The following TNFRSF6B variants were observed in gnomAD, a reference collection of about 807,000 sequenced individuals.
TNFRSF6B encodes the protein tumor necrosis factor receptor superfamily member 6B.
Under a neutral mutation model 17.9 loss-of-function variants are expected in TNFRSF6B, and 23 were observed. The observed-to-expected ratio is 1.28, with a 90% CI of 0.92 to 1.82. The LOEUF (loss-of-function observed/expected upper bound fraction) is 1.82. Ranked by LOEUF, TNFRSF6B falls within the 40% of genes most tolerant of loss-of-function variation. TNFRSF6B has a pLI of 0.00. For missense variants in TNFRSF6B, 555 were observed against 437.2 expected (o/e 1.27, Z -2.40); for synonymous variants, 291 against 195.8 (o/e 1.49, Z -4.06).
chr20:63,696,783 G>A lies in TNFRSF6B; in HGVS notation c.16G>A (p.Gly6Arg), dbSNP rs144447293. The A allele has an allele frequency of 2.4e-4, 378 of 1,595,578 alleles. No homozygotes were observed. The African/African-American group carries it at 4.6e-3, about 20-fold the overall frequency. ...AGCAAGGACCATGAGGGCGCTGGAG[G>A]GGCCAGGCCTGTCGCTGCTGTGCCT... MRALE[G>R]PGLSLLCLVL... The change falls in exon 1 of 3, where the codon GGG becomes AGG. Residue 6 changes from glycine to arginine, a missense_variant. Gly to Arg is a moderately radical substitution (Grantham distance 125). Coordinates refer to ENST00000369996, the MANE Select transcript of TNFRSF6B (RefSeq NM_003823.4).
intron 1 of TNFRSF6B, 23 bp from the exon 2 acceptor site, chr20:63,697,305 C>T: frequency 6.2e-7 from 1 of 1,603,822 alleles, no homozygotes; most frequent in Non-Finnish European, 8.5e-7. Context: ...TCCCCTGACC[C>T]TGTTCTTCCC....
At position 63,698,389 on chromosome 20, in the gene TNFRSF6B, T is replaced by C; in HGVS notation, c.729T>C (p.Gly243=). 1 of 1,603,616 alleles carries C rather than the reference T, an allele frequency of 6.2e-7. No individual in the cohort carries two copies. The highest frequency in any genetic ancestry group is 1.4e-5 in the African/African-American group (1 of 74,018). Residue 243 remains glycine, a synonymous_variant, in exon 3 of 3, where the codon GGT becomes GGC. Coordinates refer to ENST00000369996, the MANE Select transcript of TNFRSF6B (RefSeq NM_003823.4). Reference sequence around the variant, plus strand: ...CCCTCGAGGCCCCGGAGGGCTGGGGTCCGACACCAAGGGCGGGCCGCGCGG... The same window carrying C: ...CCCTCGAGGCCCCGGAGGGCTGGGGCCCGACACCAAGGGCGGGCCGCGCGG... ...LQALEAPEGW[G]PTPRAGRAAL...
At position 63,698,545 on chromosome 20, in the gene TNFRSF6B, C is replaced by A; in HGVS notation, c.885C>A (p.Arg295=). ...MPGLERSVRE[R]FLPVH is the part of the protein sequence containing the mutation. ...GGCTGGAGCGGAGCGTCCGTGAGCG[C>A]TTCCTCCCTGTGCACTGATCCTGGC... Residue 295 remains arginine (R), a synonymous_variant, in exon 3 of 3, where the codon CGC becomes CGA. Transcript: ENST00000369996. The A allele has an allele frequency of 6.5e-7, 1 of 1,536,700 alleles. No homozygotes were observed. Among genetic ancestry groups the A allele is most frequent in the African/African-American group, 1.5e-5 (1 of 68,912 alleles).
Position 63,696,669 on chromosome 20 carries a change from C to T in TNFRSF6B, c.-99C>T. The T allele has an allele frequency of 7.3e-7, 1 of 1,360,750 alleles. No individual in the cohort carries two copies. The highest frequency in any genetic ancestry group is 2.8e-5 in the Admixed American group (1 of 35,232). The allele number at this position is 1,360,750 out of a possible 1,614,324, so 84.3% of individuals were successfully genotyped here. A position where few individuals can be genotyped will look rare whatever the true frequency, so the allele number is the denominator to read the frequency against. On this transcript the variant is annotated 5_prime_UTR_variant, in exon 1 of 3. Transcript: ENST00000369996. ...GGGCTTCTGGACTTGGGCGGCCCCT[C>T]CGCAGGCGGACCGGGGGCAAAGGAG... is the stretch of plus-strand genomic sequence containing the variant.
rs1276200935 is a variant in TNFRSF6B at position 63,698,680 on chromosome 20, T to C, written c.*117T>C. ...AGCTTATTTTTATAAAGCTTTTTCA[T>C]AAAACTGGTTGTAGTTGCACAGCTA... On this transcript the variant is annotated 3_prime_UTR_variant, in exon 3 of 3. Coordinates refer to ENST00000369996, the MANE Select transcript of TNFRSF6B (RefSeq NM_003823.4). 5 of 1,255,070 alleles carry C rather than the reference T, an allele frequency of 4.0e-6. No individual in the cohort carries two copies. Among genetic ancestry groups the C allele is most frequent in the Non-Finnish European group, 4.2e-6 (4 of 962,928 alleles). The allele number at this position is 1,255,070 out of a possible 1,614,324, so 77.7% of individuals were successfully genotyped here.
Position 63,697,346 on chromosome 20 carries a change from C to A in TNFRSF6B, c.443C>A (p.Thr148Lys). Residue 148 changes from threonine (T) to lysine (K), a missense_variant, in exon 2 of 3, where the codon ACG (threonine) becomes AAG (lysine). Physicochemically the swap from Thr to Lys is moderately conservative, Grantham distance 78. Transcript: ENST00000369996. ...GCTGCAGGCACCCCCAGCCAGAACA[C>A]GCAGTGCCAGCCGTGCCCCCCAGGC... ...VIAPGTPSQNTQCQPCPPGTF... is the reference protein window; with the variant it reads ...VIAPGTPSQNKQCQPCPPGTF... 6.3e-7 allele frequency: 1 copy of A among 1,597,334 alleles called. No individual in the cohort carries two copies. Among genetic ancestry groups the A allele is most frequent in the Non-Finnish European group, 8.5e-7 (1 of 1,174,810 alleles).
chr20:63,698,390 C>A lies in TNFRSF6B; in HGVS notation c.730C>A (p.Pro244Thr), dbSNP rs369558371. 41 of 1,603,626 alleles carry A rather than the reference C, an allele frequency of 2.6e-5. No homozygotes were observed. The highest frequency in any genetic ancestry group is 3.5e-5 in the Non-Finnish European group (41 of 1,176,722). The change falls in exon 3 of 3, where the codon CCG (proline) becomes ACG (threonine). Residue 244 changes from proline to threonine, a missense_variant. Physicochemically the swap from Pro to Thr is conservative, Grantham distance 38 (BLOSUM62 -1). Transcript: ENST00000369996. Reference protein sequence around the residue: ...QALEAPEGWGPTPRAGRAALQ... With the variant: ...QALEAPEGWGTTPRAGRAALQ... ...CCTCGAGGCCCCGGAGGGCTGGGGT[C>A]CGACACCAAGGGCGGGCCGCGCGGC...
Position 63,696,809 on chromosome 20 carries a change from G to C in TNFRSF6B, c.42G>C (p.Leu14=). 6.2e-7 allele frequency: 1 copy of C among 1,608,382 alleles called. No individual in the cohort carries two copies. The highest frequency in any genetic ancestry group is 8.5e-7 in the Non-Finnish European group (1 of 1,177,868). The change falls in exon 1 of 3, where the codon CTG becomes CTC. Residue 14 remains leucine (L), a synonymous_variant. Coordinates refer to ENST00000369996, the MANE Select transcript of TNFRSF6B (RefSeq NM_003823.4). The part of the protein sequence containing the change: ...LEGPGLSLLC[L]VLALPALLPV... The stretch of plus-strand genomic sequence containing the variant: ...GGCCAGGCCTGTCGCTGCTGTGCCT[G>C]GTGTTGGCGCTGCCTGCCCTGCTGC...
Position 63,698,466 on chromosome 20 carries a change from A to C in TNFRSF6B, c.806A>C (p.Asp269Ala), listed in dbSNP as rs745580105. Residue 269 changes from aspartate (D) to alanine (A), a missense_variant, in exon 3 of 3, where the codon GAC (aspartate) becomes GCC (alanine). By Grantham distance (126) the Asp-to-Ala change is moderately radical. Coordinates refer to ENST00000369996, the MANE Select transcript of TNFRSF6B (RefSeq NM_003823.4). ...CTCACGGAGCTCCTGGGGGCGCAGG[A>C]CGGGGCGCTGCTGGTGCGGCTGCTG... ...RRLTELLGAQDGALLVRLLQA... is the reference protein window; with the variant it reads ...RRLTELLGAQAGALLVRLLQA... 1 of 1,558,908 alleles carries C rather than the reference A, an allele frequency of 6.4e-7. No homozygotes were observed. The highest frequency in any genetic ancestry group is 1.9e-4 in the Middle Eastern group (1 of 5,254).
chr20:63,698,232 T>C lies in TNFRSF6B; in HGVS notation c.620-48T>C, dbSNP rs1390226298. The C allele has an allele frequency of 3.1e-6, 5 of 1,596,462 alleles. 1 individual carries two copies. The South Asian group carries it at 4.5e-5, about 14-fold the overall frequency. On this transcript the variant is annotated intron_variant, in intron 2 of 2. Transcript: ENST00000369996. ...CAGGGTACCTGGCAGCCCCCGCCAG[T>C]GTGTGTGGGTGAAATGATCGGACCG... is the stretch of plus-strand genomic sequence containing the variant.
rs995045042 is a variant in TNFRSF6B, at chr20:63,696,676, C to T, written c.-92C>T. ...TGGACTTGGGCGGCCCCTCCGCAGG[C>T]GGACCGGGGGCAAAGGAGGTGGCAT... On this transcript the variant is annotated 5_prime_UTR_variant, in exon 1 of 3. Transcript: ENST00000369996. 5.1e-6 allele frequency: 7 copies of T among 1,384,106 alleles called. No individual in the cohort carries two copies. In the African/African-American group the frequency reaches 5.8e-5, roughly 12 times the overall value. The allele number at this position is 1,384,106 out of a possible 1,614,324, so 85.7% of individuals were successfully genotyped here. A position where few individuals can be genotyped will look rare whatever the true frequency, so the allele number is the denominator to read the frequency against.
intron 2 of TNFRSF6B, 99 bp from the exon 3 acceptor site, chr20:63,698,180 CA>C: frequency 6.9e-7 from 1 of 1,447,388 alleles, no homozygotes; most frequent in Non-Finnish European, 9.3e-7. Context: ...CTCTCTCCTG[CA>C]AACCCCCCGA....
chr20:63,698,075 C>G (rs1354466897), intron 2 of TNFRSF6B, among the ~76,000 whole-genome samples: 2 of 152,152 alleles, frequency 1.3e-5, no homozygotes, highest in African/African-American at 4.8e-5. Flanking sequence ...GCCCCCTAGG[C>G]CTTTGCTCCA....
Position 63,697,426 on chromosome 20 carries a change from A to C in TNFRSF6B, c.523A>C (p.Thr175Pro). Residue 175 changes from threonine (T) to proline (P), a missense_variant, in exon 2 of 3, where the codon ACG (threonine) becomes CCG (proline). By Grantham distance (38) the Thr-to-Pro change is conservative. Transcript: ENST00000369996. ...SEQCQPHRNC[T>P]ALGLALNVPG... ...GCAGTGCCAGCCCCACCGCAACTGCACGGCCCTGGGCCTGGCCCTCAATGT... is the reference window on the plus strand; with the variant it reads ...GCAGTGCCAGCCCCACCGCAACTGCCCGGCCCTGGGCCTGGCCCTCAATGT... The C allele has an allele frequency of 6.2e-7, 1 of 1,608,558 alleles. No homozygotes were observed. Among genetic ancestry groups the C allele is most frequent in the Non-Finnish European group, 8.5e-7 (1 of 1,178,304 alleles).
chr20:63,697,333 C>A lies in TNFRSF6B; in HGVS notation c.430C>A (p.Pro144Thr). The change falls in exon 2 of 3, where the codon CCC becomes ACC. Residue 144 changes from proline (P) to threonine (T), a missense_variant. Coordinates refer to ENST00000369996, the MANE Select transcript of TNFRSF6B (RefSeq NM_003823.4). ...TTCTTCCCTCCTGGCTGCAGGCACC[C>A]CCAGCCAGAACACGCAGTGCCAGCC... ...PGAGVIAPGT[P>T]SQNTQCQPCP... 1.2e-6 allele frequency: 2 copies of A among 1,602,868 alleles called. No individual in the cohort carries two copies. Among genetic ancestry groups the A allele is most frequent in the Non-Finnish European group, 1.7e-6 (2 of 1,176,862 alleles).
Position 63,698,257 on chromosome 20 carries a change from G to A in TNFRSF6B, c.620-23G>A, listed in dbSNP as rs559139845. 51 of 1,606,702 alleles carry A rather than the reference G, an allele frequency of 3.2e-5. No homozygotes were observed. The East Asian group carries it at 3.8e-4, about 12-fold the overall frequency. ...TGTGTGTGGGTGAAATGATCGGACC[G>A]CTGCCTCCCCACCCCACTGCAGGAG... On this transcript the variant is annotated intron_variant, in intron 2 of 2. Transcript: ENST00000369996.
Position 63,698,065 on chromosome 20 carries a change from G to A in TNFRSF6B, c.620-215G>A, listed in dbSNP as rs149472726. Among the ~76,000 whole-genome samples the A allele has an allele frequency of 2.9e-3, 447 of 152,210 alleles. 1 individual carries two copies. Among genetic ancestry groups the A allele is most frequent in the Non-Finnish European group, 4.9e-3 (334 of 67,982 alleles). ...AGCCAAGGTCCGAGTGGCCGCTCCT[G>A]CCCCCTAGGCCTTTGCTCCAGCTCT... On this transcript the variant is annotated intron_variant, in intron 2 of 2. Coordinates refer to ENST00000369996, the MANE Select transcript of TNFRSF6B (RefSeq NM_003823.4).
chr20:63,698,632 A>T lies in TNFRSF6B; in HGVS notation c.*69A>T. ...TGCACTGAAAGAGGCTTTTTTTTAAATAGAAGAAATGAGGTTTCTTAAAGC... is the reference window on the plus strand; with the variant it reads ...TGCACTGAAAGAGGCTTTTTTTTAATTAGAAGAAATGAGGTTTCTTAAAGC... On this transcript the variant is annotated 3_prime_UTR_variant, in exon 3 of 3. Transcript: ENST00000369996. 3 of 1,387,030 alleles carry T rather than the reference A, an allele frequency of 2.2e-6. No individual in the cohort carries two copies. The highest frequency in any genetic ancestry group is 2.8e-6 in the Non-Finnish European group (3 of 1,062,962). 85.9% of individuals were successfully genotyped at this position (1,387,030 alleles called of 1,614,324 possible). A position where few individuals can be genotyped will look rare whatever the true frequency, so the allele number is the denominator to read the frequency against.
At position 63,698,515 on chromosome 20, in the gene TNFRSF6B, GC is replaced by G; in HGVS notation, c.858del (p.Leu288TrpfsTer44). On this transcript the variant is annotated frameshift_variant, in exon 3 of 3. Coordinates refer to ENST00000369996, the MANE Select transcript of TNFRSF6B (RefSeq NM_003823.4). LOFTEE classifies it low-confidence loss of function (END_TRUNC). ...TGCAGGCGCTGCGCGTGGCCAGGAT[GC>G]CCGGGCTGGAGCGGAGCGTCCGTGA... ...LLQALRVARMPGLERSVRERF... is the reference protein window; with the variant it reads ...LLQALRVARMXGLERSVRERF... 6.5e-7 allele frequency: 1 copy of G among 1,548,854 alleles called. No homozygotes were observed. Among genetic ancestry groups the G allele is most frequent in the Non-Finnish European group, 8.6e-7 (1 of 1,156,306 alleles).
Sources: gnomAD v4.1 joint callset for allele counts (sites outside exome capture counted in the v4.1 genomes callset) on GRCh38, gnomAD v4.1.1 for gene constraint, MANE v1.5 for transcripts, NCBI Gene and HGNC (gene_info 2026-07-23, HGNC 2026-07-21) for gene names.